Variants in FGL1 observed in about 807,000 individuals in gnomAD.
FGL1 encodes the protein fibrinogen like 1, also known as fibrinogen-like protein 1.
In FGL1, 59 loss-of-function variants were observed where a neutral mutation model predicts 43.7. That is an observed-to-expected ratio of 1.35 (90% CI 1.10 to 1.68). FGL1 has a LOEUF of 1.68. Among genes scored for constraint, FGL1 ranks in the 40% most tolerant of loss-of-function variants. The pLI is 0.00. For synonymous variants in FGL1, 192 were observed against 126.5 expected (o/e 1.52, Z -3.48); for missense variants, 596 against 373.0 (o/e 1.60, Z -4.92).
At position 17,864,704 on chromosome 8, in the gene FGL1, G is replaced by C. The variant is rs146966065; in HGVS notation, c.827C>G (p.Thr276Arg). The C allele has an allele frequency of 9.3e-6, 15 of 1,612,796 alleles. No homozygotes were observed. Among genetic ancestry groups the C allele is most frequent in the Non-Finnish European group, 1.1e-5 (13 of 1,179,650 alleles). ...GACAATCCCATTGTCTGTTTTAGCCGTGTAGGGGCCGCTGTAGTATACACC... is the reference window on the plus strand; with the variant it reads ...GACAATCCCATTGTCTGTTTTAGCCCTGTAGGGGCCGCTGTAGTATACACC... ...LNGVYYSGPY[T>R]AKTDNGIVWY... Residue 276 changes from threonine (T) to arginine (R), a missense_variant, in exon 8 of 8, where the codon ACG becomes AGG. Thr to Arg is a moderately conservative substitution (Grantham distance 71). Coordinates refer to ENST00000427924, the MANE Select transcript of FGL1 (RefSeq NM_004467.4).
chr8:17,868,157 A>G (rs1222442348), intron 7 of FGL1, among the ~76,000 whole-genome samples: 1 of 152,200 alleles, frequency 6.6e-6, no homozygotes, highest in Non-Finnish European at 1.5e-5. Context: ...CAGAAGCATT[A>G]CAGCAATAAC....
chr8:17,874,014 C>G lies in FGL1; in HGVS notation c.502+5G>C, dbSNP rs1472681645. 6.3e-7 allele frequency: 1 copy of G among 1,582,000 alleles called. No individual in the cohort carries two copies. Among genetic ancestry groups the G allele is most frequent in the East Asian group, 2.3e-5 (1 of 43,880 alleles). ...CAAATAAATCTGACATCATTCAAAC[C>G]TTACCTTGAGTGGTCAAGAAGTGAA... On this transcript the variant is annotated splice_donor_5th_base_variant and intron_variant, in intron 5 of 7. Transcript: ENST00000427924.
At chr8:17,876,126 A>G (rs992805496) in intron 3 of FGL1, among the ~76,000 whole-genome samples, 7 of 152,168 alleles carry the variant, frequency 4.6e-5, no homozygotes, top group Non-Finnish European at 1.0e-4. Context: ...AAAATACTAT[A>G]ACATCATCAA....
In FGL1 at chr8:17,895,511, C is replaced by A. The variant is rs760075006; in HGVS notation, c.-82G>T. On this transcript the variant is annotated 5_prime_UTR_variant, in exon 1 of 8. Coordinates refer to ENST00000427924, the MANE Select transcript of FGL1 (RefSeq NM_004467.4). ...ATCCAGACACTCTGCTTCCCAGGAT[C>A]CTGTAACTGCATTGGGAATTTGTAA... 2.3e-6 allele frequency: 3 copies of A among 1,287,190 alleles called. No homozygotes were observed. The African/African-American group carries it at 4.6e-5, about 20-fold the overall frequency. The allele number at this position is 1,287,190 out of a possible 1,614,324, so 79.7% of individuals were successfully genotyped here.
intron 3 of FGL1, among the ~76,000 whole-genome samples, chr8:17,875,992 T>TA (rs1658905237): frequency 2.0e-5 from 3 of 152,284 alleles, no homozygotes; most frequent in African/African-American, 7.2e-5. Context: ...TGTACAGACT[T>TA]AGAGAACGTG....
At chr8:17,892,540 T>C (rs993834410) in intron 1 of FGL1, among the ~76,000 whole-genome samples, 6 of 152,148 alleles carry the variant, frequency 3.9e-5, no homozygotes, top group Admixed American at 3.9e-4. Context: ...GTCTGGGAAA[T>C]CAGCATAACG....
rs188976924 is a variant in FGL1, at chr8:17,891,418, T to G, written c.-18+4029A>C. 4 of 152,392 alleles carry G rather than the reference T, an allele frequency of 2.6e-5. No individual in the cohort carries two copies. The East Asian group carries it at 7.7e-4, about 29-fold the overall frequency. The allele number at this position is 152,392 out of a possible 1,614,324, so 9.4% of individuals were successfully genotyped here. On this transcript the variant is annotated intron_variant, in intron 1 of 7. Transcript: ENST00000427924. ...TATCACTCTATTCTCTGATACCATC[T>G]TCACATAGCTGTCTTTCCTCTGTGT...
intron 5 of FGL1, among the ~76,000 whole-genome samples, chr8:17,870,217 A>G (rs1382292016): frequency 1.3e-5 from 2 of 152,206 alleles, no homozygotes; most frequent in Admixed American, 1.3e-4. Context: ...TAAACATTAA[A>G]GATATACTTT....
At position 17,871,650 on chromosome 8, in the gene FGL1, G is replaced by A. The variant is rs138402855; in HGVS notation, c.502+2369C>T. 2.2e-3 allele frequency among the ~76,000 whole-genome samples: 341 copies of A among 152,246 alleles called. 1 individual carries two copies. The highest frequency in any genetic ancestry group is 7.8e-3 in the African/African-American group (323 of 41,544). On this transcript the variant is annotated intron_variant, in intron 5 of 7. Transcript: ENST00000427924. Reference sequence around the variant, plus strand: ...GCCACTACTTCTAGTTGAGATTTATGTAGTGGGGATAAAGCTATTCTCAGA... The same window carrying A: ...GCCACTACTTCTAGTTGAGATTTATATAGTGGGGATAAAGCTATTCTCAGA...
chr8:17,879,771 G>C (rs972721117), intron 3 of FGL1, among the ~76,000 whole-genome samples: 3 of 152,052 alleles, frequency 2.0e-5, no homozygotes, highest in African/African-American at 7.3e-5. Context: ...TTTCGTTATA[G>C]CGGTATGAGA....
chr8:17,890,904 G>T (rs1282514846), intron 1 of FGL1, among the ~76,000 whole-genome samples: 2 of 151,934 alleles, frequency 1.3e-5, no homozygotes, highest in Non-Finnish European at 2.9e-5. Flanking sequence ...CCTTCCACTG[G>T]GTCCATCCCA....
intron 1 of FGL1, among the ~76,000 whole-genome samples, chr8:17,890,308 G>A (rs532000339): frequency 1.3e-5 from 2 of 152,262 alleles, no homozygotes; most frequent in South Asian, 2.1e-4. Flanking sequence ...TGGGCAAACC[G>A]GGATATTTGG....
intron 1 of FGL1, among the ~76,000 whole-genome samples, chr8:17,892,168 A>G (rs936500709): frequency 6.6e-5 from 10 of 151,952 alleles, no homozygotes; most frequent in South Asian, 4.1e-4. Flanking sequence ...ATTTATCACA[A>G]AACTCAAGTA....
chr8:17,865,589 G>A (rs917895328), intron 7 of FGL1, among the ~76,000 whole-genome samples: 7 of 152,082 alleles, frequency 4.6e-5, no homozygotes, highest in African/African-American at 1.7e-4. Context: ...TAGATAAGCT[G>A]GTTAGGTTAT....
chr8:17,874,568 T>C lies in FGL1; in HGVS notation c.245-47A>G, dbSNP rs555712443. 6.6e-4 allele frequency: 1,006 copies of C among 1,514,956 alleles called. 15 individuals are homozygous for C. In the East Asian group the frequency reaches 0.022, roughly 34 times the overall value. The allele number at this position is 1,514,956 out of a possible 1,614,324, so 93.8% of individuals were successfully genotyped here. A position where few individuals can be genotyped will look rare whatever the true frequency, so the allele number is the denominator to read the frequency against. Reference sequence around the variant, plus strand: ...GTAACATTCATTATGTGTCTTTTTCTCCCCCCGCCTTAGGGAGCCTCTGAA... The same window carrying C: ...GTAACATTCATTATGTGTCTTTTTCCCCCCCCGCCTTAGGGAGCCTCTGAA... On this transcript the variant is annotated intron_variant, in intron 3 of 7. Transcript: ENST00000427924.
In FGL1 at chr8:17,869,024, T is replaced by A; in HGVS notation, c.503-20A>T. Reference sequence around the variant, plus strand: ...AGTCTTCTAAAAAAGAAACAAGCAATTATAATTTTTAAAAATGTGTGACAT... The same window carrying A: ...AGTCTTCTAAAAAAGAAACAAGCAAATATAATTTTTAAAAATGTGTGACAT... On this transcript the variant is annotated intron_variant, in intron 5 of 7. Coordinates refer to ENST00000427924, the MANE Select transcript of FGL1 (RefSeq NM_004467.4). 1 of 1,499,696 alleles carries A rather than the reference T, an allele frequency of 6.7e-7. No homozygotes were observed. Among genetic ancestry groups the A allele is most frequent in the Non-Finnish European group, 9.1e-7 (1 of 1,094,646 alleles). 92.9% of individuals were successfully genotyped at this position (1,499,696 alleles called of 1,614,324 possible).
intron 3 of FGL1, 145 bp from the exon 4 acceptor site, chr8:17,874,666 A>C (rs1392648409): frequency 2.0e-6 from 1 of 487,990 alleles, no homozygotes; most frequent in Non-Finnish European, 3.4e-6. Context: ...TGCATCTTGT[A>C]CATCTTCCAG....
At chr8:17,886,512 C>T (rs1470121316) in intron 1 of FGL1, among the ~76,000 whole-genome samples, 1 of 152,028 alleles carries the variant, frequency 6.6e-6, no homozygotes, top group Non-Finnish European at 1.5e-5. Context: ...AATCCCAGCA[C>T]TTTGGGAGGT....
Position 17,890,942 on chromosome 8 carries a change from T to A in FGL1, c.-18+4505A>T, listed in dbSNP as rs564302741. Among the ~76,000 whole-genome samples, 3 of 152,218 alleles carry A rather than the reference T, an allele frequency of 2.0e-5. No homozygotes were observed. The South Asian group carries it at 6.2e-4, about 32-fold the overall frequency. On this transcript the variant is annotated intron_variant, in intron 1 of 7. Coordinates refer to ENST00000427924, the MANE Select transcript of FGL1 (RefSeq NM_004467.4). Reference sequence around the variant, plus strand: ...ACATGTGGGATTACGAGAACTACAATTCAAGATGAGATTTGGGTGGAGACA... The same window carrying A: ...ACATGTGGGATTACGAGAACTACAAATCAAGATGAGATTTGGGTGGAGACA...
Sources: allele counts gnomAD v4.1 joint callset (sites outside exome capture counted in the v4.1 genomes callset), GRCh38; gene constraint gnomAD v4.1.1; transcripts MANE v1.5; gene names NCBI Gene and HGNC (gene_info 2026-07-23, HGNC 2026-07-21).